The following CSMD1 variants were observed in gnomAD, a reference collection of about 807,000 sequenced individuals.
The protein encoded by CSMD1 is CUB and sushi domain-containing protein 1.
A neutral mutation model predicts 417.5 loss-of-function variants in CSMD1; 213 were observed. That is an observed-to-expected ratio of 0.51 (90% confidence interval 0.46 to 0.57). The LOEUF is 0.57. Ranked by LOEUF, CSMD1 falls within the 20% of genes least tolerant of loss-of-function variation. The probability of loss-of-function intolerance (pLI) is 0.00; values close to 1 mark genes in which losing one functional copy is unlikely to be tolerated. For synonymous variants in CSMD1, 2,862 were observed against 1,736.8 expected, an observed-to-expected ratio of 1.65 and a Z score of -16.11; for missense variants, 6,923 against 4,529.7, an observed-to-expected ratio of 1.53 and a Z score of -15.17.
intron 2 of CSMD1, among the ~76,000 whole-genome samples, chr8:4,542,366 GTTTTAAT>G (rs1036501330): frequency 5.9e-5 from 9 of 151,498 alleles, no homozygotes; most frequent in Non-Finnish European, 1.0e-4. Flanking sequence ...CAAAAAAAAA[GTTTTAAT>G]TTTTAAGTTT....
At chr8:3,412,213 C>G (rs1433949826) in intron 12 of CSMD1, among the ~76,000 whole-genome samples, 1 of 149,348 alleles carries the variant, frequency 6.7e-6, no homozygotes, top group Admixed American at 6.7e-5. Context: ...CACACACACA[C>G]CACTGTTTCT....
chr8:3,245,437 T>A (rs1431321573), intron 26 of CSMD1, among the ~76,000 whole-genome samples: 1 of 152,228 alleles, frequency 6.6e-6, no homozygotes, highest in Non-Finnish European at 1.5e-5. Flanking sequence ...TTAGAAAACC[T>A]ACAACTGGAA....
At chr8:3,386,333 G>A (rs539865127) in intron 18 of CSMD1, among the ~76,000 whole-genome samples, 67 of 152,232 alleles carry the variant, frequency 4.4e-4, no homozygotes, top group African/African-American at 1.6e-3. Flanking sequence ...CACAGACGCC[G>A]AACTCGACTC....
chr8:3,292,514 T>A (rs1294002263), intron 25 of CSMD1, among the ~76,000 whole-genome samples: 3 of 152,344 alleles, frequency 2.0e-5, no homozygotes, highest in Non-Finnish European at 2.9e-5. Flanking sequence ...CGTGCTCCTG[T>A]ATTGGGTACA....
chr8:3,083,236 T>C (rs890888341), intron 49 of CSMD1, among the ~76,000 whole-genome samples: 6 of 152,064 alleles, frequency 3.9e-5, no homozygotes, highest in Non-Finnish European at 7.4e-5. Flanking sequence ...TCTTCAATTT[T>C]CTTAGAACTG....
intron 1 of CSMD1, among the ~76,000 whole-genome samples, chr8:4,960,336 C>G (rs1809394575): frequency 6.6e-6 from 1 of 152,140 alleles, no homozygotes. Flanking sequence ...GTTCTGACAT[C>G]TTACTTAGAA....
At chr8:4,249,251 C>A (rs1802901613) in intron 3 of CSMD1, among the ~76,000 whole-genome samples, 1 of 152,166 alleles carries the variant, frequency 6.6e-6, no homozygotes, top group Non-Finnish European at 1.5e-5. Flanking sequence ...GCAAACATTT[C>A]TCTTTTATTA....
chr8:4,403,073 C>T lies in CSMD1; in HGVS notation c.415+16880G>A, dbSNP rs545566375. 1.1e-4 allele frequency among the ~76,000 whole-genome samples: 16 copies of T among 151,842 alleles called. No individual in the cohort carries two copies. The South Asian group carries it at 1.2e-3, about 12-fold the overall frequency. ...GTCTCAATCTCCTGACCTCGTGATC[C>T]GCTCGCCTCAGCCTCCCAAAGTGCT... On this transcript the variant is annotated intron_variant, in intron 3 of 69. Transcript: ENST00000635120.
chr8:4,585,336 G>A (rs1799644728), intron 2 of CSMD1, among the ~76,000 whole-genome samples: 1 of 152,096 alleles, frequency 6.6e-6, no homozygotes, highest in East Asian at 1.9e-4. Flanking sequence ...AGGCAAAGTT[G>A]AAAAGAGGAT....
intron 10 of CSMD1, among the ~76,000 whole-genome samples, chr8:3,557,617 C>G (rs1799214060): frequency 6.6e-6 from 1 of 152,174 alleles, no homozygotes; most frequent in African/African-American, 2.4e-5. Context: ...GGCTTTCTTT[C>G]CTCTGCTTTG....
At chr8:4,433,659 A>G (rs1039407147) in intron 2 of CSMD1, among the ~76,000 whole-genome samples, 1 of 152,164 alleles carries the variant, frequency 6.6e-6, no homozygotes, top group Non-Finnish European at 1.5e-5. Flanking sequence ...TGTCTGAAAG[A>G]GCTACACTCT....
chr8:3,235,916 G>GTTTTTTTTTTTTTTTTTTTTTT (rs11414439), intron 26 of CSMD1, among the ~76,000 whole-genome samples: 1 of 119,344 alleles, frequency 8.4e-6, no homozygotes, highest in Non-Finnish European at 1.6e-5. Flanking sequence ...GAAGATGTAA[G>GTTTTTTTTTTTTTTTTTTTTTT]TTTTTTTTTT....
rs1453995291 is a variant in CSMD1, at chr8:4,888,277, G to A, written c.85+106055C>T. Among the ~76,000 whole-genome samples, 3 of 151,964 alleles carry A rather than the reference G, an allele frequency of 2.0e-5. No homozygotes were observed. The East Asian group carries it at 5.8e-4, about 29-fold the overall frequency. ...TAAGGAGTAATTTTCAAGATATGTTGTTAAATACACACCCTCTCCTCACAT... is the reference window on the plus strand; with the variant it reads ...TAAGGAGTAATTTTCAAGATATGTTATTAAATACACACCCTCTCCTCACAT... On this transcript the variant is annotated intron_variant, in intron 1 of 69. Coordinates refer to ENST00000635120, the MANE Select transcript of CSMD1 (RefSeq NM_033225.6).
At chr8:4,047,142 C>T (rs541037218) in intron 3 of CSMD1, among the ~76,000 whole-genome samples, 45 of 152,264 alleles carry the variant, frequency 3.0e-4, no homozygotes, top group South Asian at 1.0e-3. Context: ...GCAGAGCAGC[C>T]TGCAACGGTT....
At chr8:4,270,737 T>C (rs1051032543) in intron 3 of CSMD1, among the ~76,000 whole-genome samples, 3 of 152,208 alleles carry the variant, frequency 2.0e-5, no homozygotes, top group Non-Finnish European at 4.4e-5. Context: ...AAATATTGTG[T>C]TTGAGGACAG....
chr8:3,839,285 T>C (rs1487826752), intron 5 of CSMD1, among the ~76,000 whole-genome samples: 1 of 124,604 alleles, frequency 8.0e-6, no homozygotes, highest in Non-Finnish European at 1.6e-5. Flanking sequence ...TATATAATAT[T>C]AATTATATAT....
At chr8:4,392,623 A>T (rs1012508901) in intron 3 of CSMD1, among the ~76,000 whole-genome samples, 7 of 151,556 alleles carry the variant, frequency 4.6e-5, no homozygotes, top group Admixed American at 3.3e-4. Flanking sequence ...ATGAGAAAAG[A>T]GCAGGGGTTT....
chr8:3,673,296 C>T lies in CSMD1; in HGVS notation c.1009+35118G>A, dbSNP rs548892102. 6.8e-4 allele frequency among the ~76,000 whole-genome samples: 104 copies of T among 152,288 alleles called. 1 individual carries two copies. Among genetic ancestry groups the T allele is most frequent in the Admixed American group, 2.7e-3 (42 of 15,292 alleles). On this transcript the variant is annotated intron_variant, in intron 7 of 69. Transcript: ENST00000635120. ...CTTTTTCTCAAATCCGTATCCTCTA[C>T]AAGCCTGCTTAACAGGTAAACTGAA...
intron 5 of CSMD1, among the ~76,000 whole-genome samples, chr8:3,935,403 A>G (rs886166254): frequency 1.3e-5 from 2 of 152,210 alleles, no homozygotes; most frequent in Non-Finnish European, 2.9e-5. Context: ...GCTCTATTGC[A>G]TTTTGCAAAT....
Sources: allele counts gnomAD v4.1 joint callset (sites outside exome capture counted in the v4.1 genomes callset), GRCh38; gene constraint gnomAD v4.1.1; transcripts MANE v1.5; gene names NCBI Gene and HGNC (gene_info 2026-07-23, HGNC 2026-07-21).